RNF32: variants seen among roughly 807,000 people sequenced by gnomAD.
RNF32 encodes ring finger protein 32.
RNF32 carries 36 observed loss-of-function variants against 41.0 expected under a neutral mutation model. That is an observed-to-expected ratio of 0.88 (90% CI 0.67 to 1.16). The LOEUF is 1.16. Ranked by LOEUF, RNF32 falls within the 50% of genes most tolerant of loss-of-function variation. The pLI, the probability that RNF32 is intolerant of heterozygous loss-of-function variation, is 0.00. For missense variants in RNF32, 413 were observed against 436.7 expected (o/e 0.95, Z 0.48); for synonymous variants, 154 against 160.9 (o/e 0.96, Z 0.32).
intron 3 of RNF32, among the ~76,000 whole-genome samples, chr7:156,653,264 G>A (rs1223710983): frequency 6.6e-6 from 1 of 152,192 alleles, no homozygotes; most frequent in Non-Finnish European, 1.5e-5. Context: ...GCAGTATTCA[G>A]TACAGTAACA....
chr7:156,659,184 G>A, intron 7 of RNF32: 1 of 1,174,184 alleles, frequency 8.5e-7, no homozygotes, highest in African/African-American at 1.6e-5. Flanking sequence ...AACAGCAGCA[G>A]CTCCGAGGCT....
At chr7:156,665,145 A>G (rs891090172) in intron 7 of RNF32, among the ~76,000 whole-genome samples, 4 of 152,256 alleles carry the variant, frequency 2.6e-5, no homozygotes, top group African/African-American at 9.6e-5. Flanking sequence ...GACCAGCTTC[A>G]GATTCATCGG....
chr7:156,666,127 T>A (rs1237462897), intron 7 of RNF32, among the ~76,000 whole-genome samples: 1 of 152,198 alleles, frequency 6.6e-6, no homozygotes, highest in African/African-American at 2.4e-5. Context: ...GATAATAGTT[T>A]GATATTTTTA....
intron 7 of RNF32, among the ~76,000 whole-genome samples, chr7:156,674,782 AT>A (rs1214102110): frequency 6.6e-6 from 1 of 152,218 alleles, no homozygotes; most frequent in Non-Finnish European, 1.5e-5. Flanking sequence ...ATTAAAATTA[AT>A]TTCACCTTTT....
intron 3 of RNF32, among the ~76,000 whole-genome samples, chr7:156,649,973 A>C (rs1798494380): frequency 6.6e-6 from 1 of 152,178 alleles, no homozygotes; most frequent in Non-Finnish European, 1.5e-5. Context: ...TAGGGATGAT[A>C]TGTTCCTTAA....
chr7:156,655,315 A>T (rs1029710981), intron 4 of RNF32, among the ~76,000 whole-genome samples: 1 of 151,984 alleles, frequency 6.6e-6, no homozygotes, highest in Non-Finnish European at 1.5e-5. Context: ...GAGAGAATGC[A>T]TATAGGGTTT....
intron 7 of RNF32, among the ~76,000 whole-genome samples, chr7:156,666,942 G>A (rs567738187): frequency 1.3e-5 from 2 of 152,272 alleles, no homozygotes; most frequent in South Asian, 2.1e-4. Context: ...TTTAGAAAGT[G>A]GGGTGAGTGA....
intron 3 of RNF32, among the ~76,000 whole-genome samples, chr7:156,645,851 A>G (rs372950897): frequency 4.5e-4 from 68 of 152,358 alleles, no homozygotes; most frequent in African/African-American, 1.5e-3. Context: ...TAAAAATAGC[A>G]TAATATTTTG....
rs373889022 is a variant in RNF32, at chr7:156,662,052, TA to T, written c.684+3485del. ...TTTGGCCATAAACACTTGAAATCTG[TA>T]AACTCAGATCTCATGTTAAATAAAT... On this transcript the variant is annotated intron_variant, in intron 7 of 8. Transcript: ENST00000317955. Among the ~76,000 whole-genome samples, 483 of 152,332 alleles carry T rather than the reference TA, an allele frequency of 3.2e-3. 3 individuals carry two copies. The highest frequency in any genetic ancestry group is 0.011 in the African/African-American group (468 of 41,580).
chr7:156,655,260 CACAG>C (rs1403313454), intron 4 of RNF32, among the ~76,000 whole-genome samples: 92 of 148,866 alleles, frequency 6.2e-4, no homozygotes, highest in African/African-American at 2.1e-3. Context: ...CACACACACA[CACAG>C]AGAGAGAGAG....
chr7:156,643,731 G>A, intron 1 of RNF32, 70 bp from the exon 2 acceptor site: 1 of 740,132 alleles, frequency 1.4e-6, no homozygotes, highest in Non-Finnish European at 2.4e-6. Context: ...CTCTTACAGA[G>A]CATCCTCACA....
chr7:156,661,515 T>C lies in RNF32; in HGVS notation c.684+2945T>C, dbSNP rs564853030. Among the ~76,000 whole-genome samples, 5 of 152,282 alleles carry C rather than the reference T, an allele frequency of 3.3e-5. No individual in the cohort carries two copies. In the South Asian group the frequency reaches 1.0e-3, roughly 32 times the overall value. On this transcript the variant is annotated intron_variant, in intron 7 of 8. Transcript: ENST00000317955. ...TTGTATTTTTTAGTAGACACAGGGA[T>C]TCCCCATGTTGGCCAGGCAGGTCCT...
intron 3 of RNF32, chr7:156,646,609 T>C (rs749121516): frequency 8.0e-5 from 62 of 779,318 alleles, no homozygotes; most frequent in Admixed American, 2.5e-4. Flanking sequence ...ACATCAAGTA[T>C]GTCCCTGATA....
Position 156,660,032 on chromosome 7 carries a change from G to A in RNF32, c.684+1462G>A, listed in dbSNP as rs898743806. 4.1e-6 allele frequency: 4 copies of A among 985,490 alleles called. No homozygotes were observed. The South Asian group carries it at 1.4e-4, about 35-fold the overall frequency. The allele number at this position is 985,490 out of a possible 1,614,324, so 61.0% of individuals were successfully genotyped here. A position where few individuals can be genotyped will look rare whatever the true frequency, so the allele number is the denominator to read the frequency against. ...TGGACGTTGGGTCCGCTGCCCTGTG[G>A]CCATCCCACCTCCCCACAAATACTG... On this transcript the variant is annotated intron_variant, in intron 7 of 8. Transcript: ENST00000317955.
At position 156,670,961 on chromosome 7, in the gene RNF32, A is replaced by G. The variant is rs1802351237; in HGVS notation, c.685-4735A>G. 1.3e-5 allele frequency among the ~76,000 whole-genome samples: 2 copies of G among 152,156 alleles called. No homozygotes were observed. The highest frequency in any genetic ancestry group is 2.1e-4 in the South Asian group (1 of 4,824). ...CAAGAAAACTCATGTCTCAGGTTAA[A>G]AGAGAGAGAGAGCTTATGACAAAAA... On this transcript the variant is annotated intron_variant, in intron 7 of 8. Coordinates refer to ENST00000317955, the MANE Select transcript of RNF32 (RefSeq NM_030936.4). The surrounding 1 kb of genome is among the most constrained non-coding windows in gnomAD (Gnocchi z 4.3).
chr7:156,655,262 CAGAG>C (rs377371393), intron 4 of RNF32, among the ~76,000 whole-genome samples: 6 of 146,378 alleles, frequency 4.1e-5, no homozygotes, highest in Admixed American at 6.8e-5. Context: ...CACACACACA[CAGAG>C]AGAGAGAGAG....
chr7:156,640,416 G>A, upstream of RNF32: 2 of 416,638 alleles, frequency 4.8e-6, no homozygotes, highest in South Asian at 1.7e-5. Context: ...GCGGGGCTCG[G>A]CCCTCACTAC....
At chr7:156,655,294 A>C (rs1283399747) in intron 4 of RNF32, among the ~76,000 whole-genome samples, 3 of 150,076 alleles carry the variant, frequency 2.0e-5, no homozygotes, top group Non-Finnish European at 4.5e-5. Flanking sequence ...ATATATATAT[A>C]GAGAGAGAGA....
At chr7:156,651,880 G>T (rs1478403098) in intron 3 of RNF32, among the ~76,000 whole-genome samples, 1 of 152,150 alleles carries the variant, frequency 6.6e-6, no homozygotes, top group South Asian at 2.1e-4. Flanking sequence ...CAATGGGGAC[G>T]TTGCTTCTGG....
Sources: allele counts gnomAD v4.1 joint callset (sites outside exome capture counted in the v4.1 genomes callset), GRCh38; gene constraint gnomAD v4.1.1; non-coding constraint Gnocchi (gnomAD v3.1); transcripts MANE v1.5; gene names NCBI Gene and HGNC (gene_info 2026-07-23, HGNC 2026-07-21).